KIF16B: variants seen among roughly 807,000 people sequenced by gnomAD.
KIF16B encodes the protein kinesin family member 16B.
Under a neutral mutation model 156.3 loss-of-function variants are expected in KIF16B, and 98 were observed. The ratio of observed to expected loss-of-function variants is 0.63; its 90% CI spans 0.53 to 0.74. The LOEUF is 0.74. Among genes scored for constraint, KIF16B ranks in the 30% least tolerant of loss-of-function variants. KIF16B has a pLI of 0.00. For missense variants in KIF16B, 1,421 were observed against 1,606.5 expected (o/e 0.88, Z 1.97); for synonymous variants, 564 against 583.7 (o/e 0.97, Z 0.49).
chr20:16,399,467 G>T (rs761102812), intron 17 of KIF16B, among the ~76,000 whole-genome samples: 1 of 152,200 alleles, frequency 6.6e-6, no homozygotes, highest in Non-Finnish European at 1.5e-5. Flanking sequence ...CCCCAGCACA[G>T]GGCTGGACAA....
intron 17 of KIF16B, among the ~76,000 whole-genome samples, chr20:16,398,690 G>T (rs1306497723): frequency 6.6e-6 from 1 of 152,208 alleles, no homozygotes; most frequent in East Asian, 1.9e-4. Context: ...ACTTGCTGAA[G>T]GTGGGGGCAA....
At chr20:16,471,127 C>T (rs2067651482) in intron 12 of KIF16B, among the ~76,000 whole-genome samples, 1 of 152,112 alleles carries the variant, frequency 6.6e-6, no homozygotes, top group Non-Finnish European at 1.5e-5. Flanking sequence ...AATCTTGGTG[C>T]CTCTCAAACT....
intron 1 of KIF16B, among the ~76,000 whole-genome samples, chr20:16,543,316 T>A (rs2070277029): frequency 6.6e-6 from 1 of 152,064 alleles, no homozygotes; most frequent in Non-Finnish European, 1.5e-5. Context: ...TATCCCCAAT[T>A]CCAGAACAAA....
intron 1 of KIF16B, among the ~76,000 whole-genome samples, chr20:16,571,133 C>G (rs1237563530): frequency 6.6e-6 from 1 of 152,198 alleles, no homozygotes; most frequent in Admixed American, 6.5e-5. Context: ...ATACCAACTT[C>G]ATTGTCCACC....
rs1365758405 is a variant in KIF16B at position 16,447,074 on chromosome 20, T to C, written c.1303-17092A>G. Among the ~76,000 whole-genome samples, 5 of 152,270 alleles carry C rather than the reference T, an allele frequency of 3.3e-5. No individual in the cohort carries two copies. In the East Asian group the frequency reaches 5.8e-4, roughly 18 times the overall value. On this transcript the variant is annotated intron_variant, in intron 12 of 25. Coordinates refer to ENST00000354981, the MANE Select transcript of KIF16B (RefSeq NM_024704.5). ...GGAAACTAAGTGAGCATTTTGTAAA[T>C]TGTTTAAATGACAGGCCACACTTGC...
At position 16,306,032 on chromosome 20, in the gene KIF16B, G is replaced by A. The variant is rs116353737; in HGVS notation, c.3795+6303C>T. Among the ~76,000 whole-genome samples, 269 of 152,216 alleles carry A rather than the reference G, an allele frequency of 1.8e-3. 1 individual carries two copies. The highest frequency in any genetic ancestry group is 6.0e-3 in the African/African-American group (248 of 41,510). ...ACACTCAATCAGAGAATTGCCCCCA[G>A]CATCCAATCCAGAACAAAGCCCTGC... On this transcript the variant is annotated intron_variant, in intron 25 of 25. Coordinates refer to ENST00000354981, the MANE Select transcript of KIF16B (RefSeq NM_024704.5).
chr20:16,560,296 T>C (rs2071010212), intron 1 of KIF16B, among the ~76,000 whole-genome samples: 1 of 152,200 alleles, frequency 6.6e-6, no homozygotes, highest in Non-Finnish European at 1.5e-5. Flanking sequence ...AGAATCATTT[T>C]TTCTTGACAG....
intron 25 of KIF16B, among the ~76,000 whole-genome samples, chr20:16,291,204 T>G (rs1238087887): frequency 1.3e-5 from 2 of 152,206 alleles, no homozygotes; most frequent in Non-Finnish European, 2.9e-5. Context: ...GTTTACAATA[T>G]CTTCTTTCTT....
chr20:16,463,770 T>C (rs1333670888), intron 12 of KIF16B, among the ~76,000 whole-genome samples: 2 of 152,218 alleles, frequency 1.3e-5, no homozygotes. Flanking sequence ...CAGGGCCTTT[T>C]CAGAAGTCAG....
intron 12 of KIF16B, among the ~76,000 whole-genome samples, chr20:16,445,078 T>C (rs996106385): frequency 2.0e-5 from 3 of 152,106 alleles, no homozygotes; most frequent in African/African-American, 7.2e-5. Flanking sequence ...GGCATGCACC[T>C]ATAGTCCTAG....
chr20:16,373,161 T>C (rs1350148340), intron 20 of KIF16B, among the ~76,000 whole-genome samples: 1 of 151,976 alleles, frequency 6.6e-6, no homozygotes, highest in African/African-American at 2.4e-5. Context: ...AGATTAAAAT[T>C]TTAGGTAAAA....
At chr20:16,341,142 T>G (rs1055673893) in intron 23 of KIF16B, among the ~76,000 whole-genome samples, 2 of 152,206 alleles carry the variant, frequency 1.3e-5, no homozygotes, top group Non-Finnish European at 2.9e-5. Context: ...ACCTTTTCTA[T>G]GTACAGTTAA....
intron 23 of KIF16B, among the ~76,000 whole-genome samples, chr20:16,339,907 C>T (rs190760237): frequency 4.0e-5 from 6 of 151,830 alleles, no homozygotes; most frequent in Admixed American, 6.6e-5. Flanking sequence ...TATAGTCTTG[C>T]CTCCTTCCTT....
chr20:16,459,814 A>C (rs1234772930), intron 12 of KIF16B, among the ~76,000 whole-genome samples: 1 of 152,178 alleles, frequency 6.6e-6, no homozygotes, highest in Non-Finnish European at 1.5e-5. Flanking sequence ...CATATGAGTG[A>C]AAGTCCCTAA....
chr20:16,378,790 C>T lies in KIF16B; in HGVS notation c.3197+15G>A, dbSNP rs761433623. 8 of 1,578,500 alleles carry T rather than the reference C, an allele frequency of 5.1e-6. No homozygotes were observed. The African/African-American group carries it at 5.4e-5, about 11-fold the overall frequency. The stretch of plus-strand genomic sequence containing the variant: ...GGCACCCACTGTATGCCACACCCTT[C>T]CTTCCCAATCTCACCTCTCCTGGTC... On this transcript the variant is annotated intron_variant, in intron 19 of 25. Coordinates refer to ENST00000354981, the MANE Select transcript of KIF16B (RefSeq NM_024704.5).
intron 1 of KIF16B, among the ~76,000 whole-genome samples, chr20:16,531,972 G>C (rs1256098306): frequency 1.3e-5 from 2 of 151,158 alleles, no homozygotes; most frequent in African/African-American, 4.9e-5. Context: ...GGAGGCTGAG[G>C]CAAGAGAATC....
chr20:16,504,489 A>C lies in KIF16B; in HGVS notation c.1059T>G (p.Asn353Lys). Residue 353 changes from asparagine to lysine, a missense_variant, in exon 10 of 26, where the codon AAT becomes AAG. Transcript: ENST00000354981. ...GCTTGTTGATGATGTTTTTGGCTCTATTTGCATAGCGAAGAGTACTTAGGG... is the reference window on the plus strand; with the variant it reads ...GCTTGTTGATGATGTTTTTGGCTCTCTTTGCATAGCGAAGAGTACTTAGGG... Reference protein sequence around the residue: ...GETLSTLRYANRAKNIINKPT... With the variant: ...GETLSTLRYAKRAKNIINKPT... The C allele has an allele frequency of 6.2e-7, 1 of 1,614,078 alleles. No homozygotes were observed. Among genetic ancestry groups the C allele is most frequent in the Non-Finnish European group, 8.5e-7 (1 of 1,179,988 alleles).
intron 12 of KIF16B, among the ~76,000 whole-genome samples, chr20:16,475,540 T>C (rs556489466): frequency 3.3e-5 from 5 of 152,334 alleles, no homozygotes; most frequent in Admixed American, 3.3e-4. Context: ...TCTATGAAGA[T>C]TCTTGGCTCC....
chr20:16,365,344 T>C (rs2064640892), intron 22 of KIF16B, among the ~76,000 whole-genome samples: 1 of 152,146 alleles, frequency 6.6e-6, no homozygotes, highest in Non-Finnish European at 1.5e-5. Flanking sequence ...ACCAAGATAA[T>C]GACAAATTAG....
Sources: gnomAD v4.1 joint callset for allele counts (sites outside exome capture counted in the v4.1 genomes callset) on GRCh38, gnomAD v4.1.1 for gene constraint, MANE v1.5 for transcripts, NCBI Gene and HGNC (gene_info 2026-07-23, HGNC 2026-07-21) for gene names.